Variants in PCSK5 observed in about 807,000 individuals in gnomAD.
PCSK5 encodes the protein prohormone convertase 5.
A neutral mutation model predicts 233.2 loss-of-function variants in PCSK5; 129 were observed. That is an observed-to-expected ratio of 0.55 (90% confidence interval 0.48 to 0.64). The LOEUF (loss-of-function observed/expected upper bound fraction) is 0.64, where lower values mean the gene tolerates loss of function less well. Among genes scored for constraint, PCSK5 ranks in the 30% least tolerant of loss-of-function variants. PCSK5 has a pLI of 0.00. For synonymous variants in PCSK5, 825 were observed against 879.2 expected (o/e 0.94, Z 1.09); for missense variants, 2,076 against 2,430.1 (o/e 0.85, Z 3.06).
intron 6 of PCSK5, among the ~76,000 whole-genome samples, 191 bp downstream of exon 6, chr9:76,068,234 A>C (rs1830356928): frequency 6.6e-6 from 1 of 152,182 alleles, no homozygotes; most frequent in African/African-American, 2.4e-5. Flanking sequence ...AAGACTTCTG[A>C]AGCAGTCACC....
chr9:75,923,413 T>G (rs1430024229), intron 1 of PCSK5, among the ~76,000 whole-genome samples: 1 of 152,048 alleles, frequency 6.6e-6, no homozygotes, highest in Non-Finnish European at 1.5e-5. Context: ...ATTCCTTCAT[T>G]TTGGGCTTCA....
At chr9:75,992,910 T>C (rs1306358613) in intron 3 of PCSK5, among the ~76,000 whole-genome samples, 2 of 152,184 alleles carry the variant, frequency 1.3e-5, no homozygotes, top group African/African-American at 4.8e-5. Flanking sequence ...CGGTTATGCG[T>C]GTGGGGCATA....
intron 24 of PCSK5, among the ~76,000 whole-genome samples, chr9:76,284,387 T>A (rs191967931): frequency 1.6e-4 from 25 of 152,228 alleles, no homozygotes; most frequent in African/African-American, 5.8e-4. Flanking sequence ...TCTGATGGTT[T>A]TATAAAGGAC....
intron 20 of PCSK5, among the ~76,000 whole-genome samples, chr9:76,192,776 A>AATTG (rs1385695685): frequency 6.6e-6 from 1 of 152,214 alleles, no homozygotes; most frequent in Non-Finnish European, 1.5e-5. Context: ...TTAAAATTCT[A>AATTG]ATTGATAAGA....
At chr9:76,236,848 C>T (rs1246179352) in intron 22 of PCSK5, among the ~76,000 whole-genome samples, 1 of 152,206 alleles carries the variant, frequency 6.6e-6, no homozygotes, top group African/African-American at 2.4e-5. Flanking sequence ...ACACTTCCTT[C>T]TAAATCTGGG....
rs544432518 is a variant in PCSK5, at chr9:76,227,604, A to G, written c.2728A>G (p.Arg910Gly). Reference sequence around the variant, plus strand: ...AGACTGCACTACCTGCCCCATGACAAGGTAAGTGGCTTCTCAGGATCTCCC... The same window carrying G: ...AGACTGCACTACCTGCCCCATGACAGGGTAAGTGGCTTCTCAGGATCTCCC... The part of the protein sequence containing the change: ...QEDCTTCPMT[R>G]IFDDGRCVSN... The change falls in exon 21 of 38, where the codon AGG becomes GGG. Residue 910 changes from arginine to glycine, a missense_variant and splice_region_variant. Transcript: ENST00000674117. The G allele has an allele frequency of 1.2e-6, 2 of 1,603,040 alleles. No individual in the cohort carries two copies. The highest frequency in any genetic ancestry group is 1.3e-5 in the African/African-American group (1 of 74,882).
chr9:76,312,820 T>C (rs961682606), intron 30 of PCSK5, among the ~76,000 whole-genome samples: 8 of 152,124 alleles, frequency 5.3e-5, no homozygotes, highest in African/African-American at 1.7e-4. Context: ...TTGATATTGA[T>C]ATTGATGTTG....
intron 35 of PCSK5, among the ~76,000 whole-genome samples, chr9:76,342,020 G>C (rs1174116682): frequency 1.3e-5 from 2 of 152,216 alleles, no homozygotes; most frequent in Non-Finnish European, 2.9e-5. Flanking sequence ...TCCTGGAGCA[G>C]AGAAGGTGGA....
chr9:76,077,314 C>T (rs898052782), intron 7 of PCSK5, among the ~76,000 whole-genome samples: 5 of 152,154 alleles, frequency 3.3e-5, no homozygotes, highest in Admixed American at 2.6e-4. Context: ...ATTGTTTTAT[C>T]ATCAAAATTT....
At chr9:76,059,904 A>C (rs1435526588) in intron 5 of PCSK5, among the ~76,000 whole-genome samples, 4 of 152,214 alleles carry the variant, frequency 2.6e-5, no homozygotes, top group East Asian at 1.9e-4. Flanking sequence ...AAGCTAGAAG[A>C]CAGTGGAATG....
At chr9:75,947,111 GAAT>G (rs755760583) in intron 2 of PCSK5, among the ~76,000 whole-genome samples, 26 of 152,142 alleles carry the variant, frequency 1.7e-4, no homozygotes, top group Non-Finnish European at 8.8e-5. Context: ...ATGATGATGA[GAAT>G]AATAATAATT....
intron 1 of PCSK5, among the ~76,000 whole-genome samples, chr9:75,925,649 G>C (rs1322795288): frequency 6.6e-6 from 1 of 152,182 alleles, no homozygotes; most frequent in Non-Finnish European, 1.5e-5. Context: ...TGAGAAGTGA[G>C]GAAGTGTGAG....
intron 24 of PCSK5, among the ~76,000 whole-genome samples, chr9:76,279,639 T>C (rs1354726744): frequency 6.6e-6 from 1 of 151,900 alleles, no homozygotes; most frequent in East Asian, 1.9e-4. Context: ...ATTGTGGTTT[T>C]GATTTGCATT....
intron 6 of PCSK5, among the ~76,000 whole-genome samples, chr9:76,070,193 G>A (rs1830435777): frequency 6.6e-6 from 1 of 151,912 alleles, no homozygotes; most frequent in South Asian, 2.1e-4. Flanking sequence ...GTAGAGACGG[G>A]GTTTCACCAT....
At chr9:76,184,806 C>A in intron 17 of PCSK5, 49 bp downstream of exon 17, 4 of 1,089,448 alleles carry the variant, frequency 3.7e-6, no homozygotes, top group South Asian at 2.8e-5. Flanking sequence ...AAGAGCTTCT[C>A]AATGTAAATA....
intron 20 of PCSK5, among the ~76,000 whole-genome samples, chr9:76,210,374 CT>C (rs1166310830): frequency 3.3e-5 from 5 of 152,202 alleles, no homozygotes; most frequent in African/African-American, 1.2e-4. Context: ...TTGAGGACAA[CT>C]CCCGGGGGTC....
intron 7 of PCSK5, among the ~76,000 whole-genome samples, chr9:76,081,940 C>T (rs187992343): frequency 7.7e-4 from 118 of 152,290 alleles, no homozygotes; most frequent in Non-Finnish European, 1.0e-4. Flanking sequence ...CTATAGCATA[C>T]TTTCCAAACT....
intron 20 of PCSK5, among the ~76,000 whole-genome samples, chr9:76,221,437 C>T (rs567366319): frequency 6.6e-6 from 1 of 152,316 alleles, no homozygotes; most frequent in South Asian, 2.1e-4. Flanking sequence ...CGCAGCCCAG[C>T]TCTGCCACTT....
chr9:76,149,467 G>A (rs961044111), intron 10 of PCSK5, among the ~76,000 whole-genome samples: 11 of 151,962 alleles, frequency 7.2e-5, no homozygotes, highest in Non-Finnish European at 1.6e-4. Context: ...CAAAACTAAA[G>A]GAAAATTAAA....
Sources: gnomAD v4.1 joint callset for allele counts (sites outside exome capture counted in the v4.1 genomes callset) on GRCh38, gnomAD v4.1.1 for gene constraint, MANE v1.5 for transcripts, NCBI Gene and HGNC (gene_info 2026-07-23, HGNC 2026-07-21) for gene names.